The following FGD2 variants were observed in gnomAD, a reference collection of about 807,000 sequenced individuals.
The protein encoded by FGD2 is FYVE, RhoGEF and PH domain containing 2.
In FGD2, 52 loss-of-function variants were observed where a neutral mutation model predicts 75.9. That is an observed-to-expected ratio of 0.69 (90% CI 0.55 to 0.86). The LOEUF is 0.86. Among genes scored for constraint, FGD2 ranks in the 40% least tolerant of loss-of-function variants. The probability of loss-of-function intolerance (pLI) is 0.00; values close to 1 mark genes in which losing one functional copy is unlikely to be tolerated. For missense variants in FGD2, 790 were observed against 872.0 expected (o/e 0.91, Z 1.18); for synonymous variants, 347 against 348.6 (o/e 1.00, Z 0.05).
intron 2 of FGD2, 83 bp downstream of exon 2, chr6:37,009,148 C>A: frequency 7.5e-7 from 1 of 1,326,474 alleles, no homozygotes; most frequent in Non-Finnish European, 1.0e-6. Context: ...CTTTCCTAGC[C>A]AGAGCCAGCA....
chr6:37,019,858 T>TC (rs1008907093), intron 9 of FGD2, among the ~76,000 whole-genome samples: 1 of 148,696 alleles, frequency 6.7e-6, no homozygotes, highest in Non-Finnish European at 1.5e-5. Context: ...TTCTTTTCTT[T>TC]TTTTTTTTTT....
intron 1 of FGD2, 119 bp downstream of exon 1, chr6:37,006,004 G>A: frequency 7.8e-6 from 9 of 1,148,936 alleles, no homozygotes; most frequent in South Asian, 4.1e-5. Flanking sequence ...GCAGCCCCGC[G>A]TTCCTCGGTC....
intron 1 of FGD2, among the ~76,000 whole-genome samples, chr6:37,006,125 A>G (rs1313301975): frequency 6.6e-6 from 1 of 152,254 alleles, no homozygotes; most frequent in African/African-American, 2.4e-5. Flanking sequence ...ACGAGCAAGC[A>G]TGGGCAGACC....
chr6:37,012,035 G>A (rs1765036083), intron 4 of FGD2, 181 bp downstream of exon 4: 1 of 632,000 alleles, frequency 1.6e-6, no homozygotes, highest in Non-Finnish European at 2.6e-6. Flanking sequence ...CTGAGAGGCT[G>A]TGTGTGTGCA....
chr6:37,008,380 G>A (rs556326164), intron 1 of FGD2, among the ~76,000 whole-genome samples: 1 of 152,226 alleles, frequency 6.6e-6, no homozygotes, highest in South Asian at 2.1e-4. Flanking sequence ...GGAGGATGTC[G>A]ATCCCATTGA....
intron 9 of FGD2, among the ~76,000 whole-genome samples, chr6:37,018,800 AG>A (rs1765430308): frequency 6.6e-6 from 1 of 152,240 alleles, no homozygotes; most frequent in African/African-American, 2.4e-5. Flanking sequence ...AACAATATCT[AG>A]GTATTATGCC....
intron 9 of FGD2, among the ~76,000 whole-genome samples, chr6:37,018,493 T>G (rs1214974824): frequency 1.3e-5 from 2 of 152,180 alleles, no homozygotes; most frequent in Non-Finnish European, 2.9e-5. Flanking sequence ...CTCCCTGGCC[T>G]CCTCCTTCCT....
intron 13 of FGD2, chr6:37,023,372 G>A (rs1326279144): frequency 6.5e-6 from 1 of 153,742 alleles, no homozygotes; most frequent in Non-Finnish European, 1.5e-5. Flanking sequence ...CCATAACTCA[G>A]GCAGGGCATC....
At chr6:37,027,162 C>A (rs1207123910) in intron 14 of FGD2, among the ~76,000 whole-genome samples, 1 of 152,196 alleles carries the variant, frequency 6.6e-6, no homozygotes, top group Non-Finnish European at 1.5e-5. Context: ...TTTCCTGGAG[C>A]AGCTCCAGGC....
intron 13 of FGD2, chr6:37,024,883 C>A (rs2150783886): frequency 6.6e-6 from 1 of 152,330 alleles, no homozygotes; most frequent in Non-Finnish European, 1.5e-5. Flanking sequence ...CAGGGCCAGG[C>A]CTTCTTCTCC....
At chr6:37,024,699 A>C (rs933884792) in intron 13 of FGD2, 2 of 152,242 alleles carry the variant, frequency 1.3e-5, no homozygotes, top group Non-Finnish European at 2.9e-5. Flanking sequence ...TCAATAAAAA[A>C]AAAATGCTCC....
At chr6:37,007,509 C>G (rs1235076685) in intron 1 of FGD2, among the ~76,000 whole-genome samples, 1 of 152,240 alleles carries the variant, frequency 6.6e-6, no homozygotes, top group African/African-American at 2.4e-5. Flanking sequence ...GCATGCTGTG[C>G]TCTGCCCAGG....
Position 37,026,159 on chromosome 6 carries a change from C to A in FGD2, c.1605+221C>A, listed in dbSNP as rs1765813471. On this transcript the variant is annotated intron_variant, in intron 14 of 15. Transcript: ENST00000274963. ...ACCAAATGGAGGCACCCTTTGGCTG[C>A]AGGCTGTCGTCCACATTCTTCTGCA... 5 of 985,430 alleles carry A rather than the reference C, an allele frequency of 5.1e-6. No homozygotes were observed. The African/African-American group carries it at 7.0e-5, about 14-fold the overall frequency. The allele number at this position is 985,430 out of a possible 1,614,324, so 61.0% of individuals were successfully genotyped here. A position where few individuals can be genotyped will look rare whatever the true frequency, so the allele number is the denominator to read the frequency against.
intron 2 of FGD2, 191 bp downstream of exon 2, chr6:37,009,256 C>A: frequency 5.2e-6 from 3 of 574,234 alleles, no homozygotes; most frequent in East Asian, 3.0e-5. Flanking sequence ...TGCTACGCAC[C>A]GTGCTGGATT....
intron 12 of FGD2, chr6:37,021,861 G>A (rs1474805791): frequency 2.6e-5 from 13 of 495,784 alleles, no homozygotes; most frequent in African/African-American, 2.5e-4. Context: ...TCCAGCTGCA[G>A]GGGGCAGTAG....
At chr6:37,009,380 A>G in intron 2 of FGD2, 2 of 265,062 alleles carry the variant, frequency 7.5e-6, no homozygotes, top group South Asian at 5.2e-5. Flanking sequence ...TGAACCTAAT[A>G]CTCTTCTCAG....
At chr6:37,021,052 A>G (rs906540533) in intron 11 of FGD2, among the ~76,000 whole-genome samples, 2 of 150,038 alleles carry the variant, frequency 1.3e-5, no homozygotes, top group Non-Finnish European at 3.0e-5. Flanking sequence ...GTTTGTGTGC[A>G]TGCATGTGTG....
In FGD2 at chr6:37,011,692, C is replaced by A; in HGVS notation, c.379-14C>A. The stretch of plus-strand genomic sequence containing the variant: ...CCTGTCACTGCAGTGAGTGACCTGT[C>A]GTGGCGGCTACAGGTGTTTTTCCAG... On this transcript the variant is annotated splice_polypyrimidine_tract_variant and intron_variant, in intron 3 of 15. Transcript: ENST00000274963. The A allele has an allele frequency of 6.2e-7, 1 of 1,613,560 alleles. No homozygotes were observed. Among genetic ancestry groups the A allele is most frequent in the South Asian group, 1.1e-5 (1 of 90,946 alleles).
In FGD2 at chr6:37,027,646, G is replaced by A. The variant is rs1234278764; in HGVS notation, c.1752+71G>A. The A allele has an allele frequency of 5.7e-6, 9 of 1,569,984 alleles. No individual in the cohort carries two copies. In the Admixed American group the frequency reaches 8.7e-5, roughly 15 times the overall value. On this transcript the variant is annotated intron_variant, in intron 15 of 15. Coordinates refer to ENST00000274963, the MANE Select transcript of FGD2 (RefSeq NM_173558.4). ...ACAGCGTGTGTGTGAAGGGGGTCAG[G>A]GGTGAGTATTGCTAGCTCCATATGT...
Sources: allele counts gnomAD v4.1 joint callset (sites outside exome capture counted in the v4.1 genomes callset), GRCh38; gene constraint gnomAD v4.1.1; transcripts MANE v1.5; gene names NCBI Gene and HGNC (gene_info 2026-07-23, HGNC 2026-07-21).